EFCAB7: variants seen among roughly 807,000 people sequenced by gnomAD.
EFCAB7 encodes EF-hand calcium binding domain 7.
In EFCAB7, 66 loss-of-function variants were observed where a neutral mutation model predicts 77.1. The ratio of observed to expected loss-of-function variants is 0.86; its 90% CI spans 0.70 to 1.05. The LOEUF is 1.05. Among genes scored for constraint, EFCAB7 ranks in the 50% least tolerant of loss-of-function variants. The pLI is 0.00. For synonymous variants in EFCAB7, 225 were observed against 243.3 expected (o/e 0.92, Z 0.70); for missense variants, 638 against 730.5 (o/e 0.87, Z 1.46).
Position 63,532,745 on chromosome 1 carries a change from G to A in EFCAB7, c.475G>A (p.Asp159Asn). Residue 159 changes from aspartate (D) to asparagine (N), a missense_variant, in exon 4 of 14, where the codon GAC becomes AAC. Transcript: ENST00000371088. The stretch of plus-strand genomic sequence containing the variant: ...TGATGTAAATGCTGATGGCAAATTT[G>A]ACTACATCAAGGTACATAAGCTCAC... Reference protein sequence around the residue: ...LADVNADGKFDYIKFCKLYMT... With the variant: ...LADVNADGKFNYIKFCKLYMT... 1.9e-6 allele frequency: 3 copies of A among 1,604,916 alleles called. No homozygotes were observed. Among genetic ancestry groups the A allele is most frequent in the Non-Finnish European group, 1.7e-6 (2 of 1,176,388 alleles).
chr1:63,558,549 C>T (rs2100914462), intron 10 of EFCAB7, among the ~76,000 whole-genome samples: 1 of 152,186 alleles, frequency 6.6e-6, no homozygotes, highest in South Asian at 2.1e-4. Flanking sequence ...AAAAAGTCTC[C>T]AAGAGTTATT....
intron 6 of EFCAB7, among the ~76,000 whole-genome samples, chr1:63,543,474 T>A (rs1646853706): frequency 6.6e-6 from 1 of 152,130 alleles, no homozygotes; most frequent in South Asian, 2.1e-4. Context: ...ATGTAAAAAA[T>A]AGGTTTCTAC....
At chr1:63,556,224 T>A (rs1647028896) in intron 9 of EFCAB7, among the ~76,000 whole-genome samples, 1 of 152,126 alleles carries the variant, frequency 6.6e-6, no homozygotes, top group African/African-American at 2.4e-5. Context: ...ATTGTATCCT[T>A]GAAAATTGCT....
At chr1:63,524,706 A>G (rs1308123131) in intron 1 of EFCAB7, among the ~76,000 whole-genome samples, 1 of 152,184 alleles carries the variant, frequency 6.6e-6, no homozygotes, top group Non-Finnish European at 1.5e-5. Flanking sequence ...TACTATATCC[A>G]CATTAACAAA....
rs1053941416 is a variant in EFCAB7, at chr1:63,533,357, A to G, written c.487-97A>G. 28 of 828,958 alleles carry G rather than the reference A, an allele frequency of 3.4e-5. No individual in the cohort carries two copies. In the East Asian group the frequency reaches 7.0e-4, roughly 21 times the overall value. The allele number at this position is 828,958 out of a possible 1,614,324, so 51.4% of individuals were successfully genotyped here. A position where few individuals can be genotyped will look rare whatever the true frequency, so the allele number is the denominator to read the frequency against. On this transcript the variant is annotated intron_variant, in intron 4 of 13. Transcript: ENST00000371088. ...CATCAATAGGAAATATATTCCATCTATCAGTCTGTTCCTTGCCTACTAATG... is the reference window on the plus strand; with the variant it reads ...CATCAATAGGAAATATATTCCATCTGTCAGTCTGTTCCTTGCCTACTAATG...
At chr1:63,532,557 G>C (rs921825305) in intron 3 of EFCAB7, 113 bp from the exon 4 acceptor site, 1 of 663,220 alleles carries the variant, frequency 1.5e-6, no homozygotes, top group Non-Finnish European at 2.5e-6. Flanking sequence ...TTATAATGAA[G>C]CAATACATTC....
At chr1:63,582,088 T>C in the EFCAB7 span, among the ~76,000 whole-genome samples, 27,389 of 152,234 alleles carry the variant, frequency 0.18, 2,579 homozygotes, top group Middle Eastern at 0.26. Flanking sequence ...CTGAAAACAC[T>C]GCATGCTGTG....
chr1:63,578,505 A>C, the EFCAB7 span, among the ~76,000 whole-genome samples: 1 of 150,164 alleles, frequency 6.7e-6, no homozygotes, highest in Non-Finnish European at 1.5e-5. Context: ...GCAGTGGCGC[A>C]ATCTCAGCTC....
intron 2 of EFCAB7, chr1:63,527,963 C>G (rs1003187897): frequency 6.6e-6 from 1 of 152,172 alleles, no homozygotes; most frequent in Non-Finnish European, 1.5e-5. Context: ...AAAGGGAACC[C>G]TCTTACACTG....
chr1:63,554,636 A>G (rs1379069828), intron 8 of EFCAB7, among the ~76,000 whole-genome samples: 1 of 152,226 alleles, frequency 6.6e-6, no homozygotes, highest in East Asian at 1.9e-4. Flanking sequence ...CGCCATGCCC[A>G]GCCTGCTTTC....
chr1:63,543,971 CTTTT>C (rs35018430), intron 6 of EFCAB7, among the ~76,000 whole-genome samples: 2 of 131,134 alleles, frequency 1.5e-5, no homozygotes, highest in African/African-American at 2.8e-5. Flanking sequence ...TTTCTTTTTT[CTTTT>C]TTTTTTTTTT....
At chr1:63,554,710 C>T (rs1647007595) in intron 8 of EFCAB7, among the ~76,000 whole-genome samples, 1 of 152,096 alleles carries the variant, frequency 6.6e-6, no homozygotes, top group African/African-American at 2.4e-5. Flanking sequence ...GATAAATATC[C>T]AACATTTGAT....
chr1:63,529,207 A>G (rs538775700), intron 2 of EFCAB7: 1 of 152,322 alleles, frequency 6.6e-6, no homozygotes, highest in South Asian at 2.1e-4. Flanking sequence ...AAAAACATTT[A>G]TATTATCTCC....
chr1:63,568,117 C>T (rs900303322), intron 11 of EFCAB7, among the ~76,000 whole-genome samples, 193 bp from the exon 12 acceptor site: 1 of 152,048 alleles, frequency 6.6e-6, no homozygotes, highest in Non-Finnish European at 1.5e-5. Flanking sequence ...TGAACATTAT[C>T]AGTTAATATG....
chr1:63,539,037 C>T (rs1351694789), intron 6 of EFCAB7, among the ~76,000 whole-genome samples: 2 of 152,090 alleles, frequency 1.3e-5, no homozygotes, highest in Admixed American at 1.3e-4. Flanking sequence ...AAATTCTCTT[C>T]TATTATAGCA....
rs528412687 is a variant in EFCAB7 at position 63,531,761 on chromosome 1, G to C, written c.188-59G>C. The C allele has an allele frequency of 2.7e-5, 39 of 1,422,274 alleles. No homozygotes were observed. In the South Asian group the frequency reaches 4.5e-4, roughly 16 times the overall value. 88.1% of individuals were successfully genotyped at this position (1,422,274 alleles called of 1,614,324 possible). A position where few individuals can be genotyped will look rare whatever the true frequency, so the allele number is the denominator to read the frequency against. ...TACATAATGATTTGAAGAAAAAAAT[G>C]CGCTTAAGTACAAATTCCAGGTGTT... On this transcript the variant is annotated intron_variant, in intron 2 of 13. Transcript: ENST00000371088.
intron 11 of EFCAB7, among the ~76,000 whole-genome samples, chr1:63,565,689 T>G (rs1459235760): frequency 1.1e-5 from 1 of 92,868 alleles, no homozygotes; most frequent in African/African-American, 7.2e-5. Context: ...AGAAAAAAAT[T>G]CCATTAAAAA....
rs777356823 is a variant in EFCAB7, at chr1:63,568,324, C to T, written c.1512C>T (p.Val504=). ...TTTCCTATCAGGCATGTCCATTTGTCATTGATATCTATGCAGAAAAATGCA... is the reference window on the plus strand; with the variant it reads ...TTTCCTATCAGGCATGTCCATTTGTTATTGATATCTATGCAGAAAAATGCA... The part of the protein sequence containing the change: ...ALELTEACPF[V]IDIYAEKCKP... The change falls in exon 12 of 14, where the codon GTC becomes GTT. Residue 504 remains valine, a synonymous_variant. Coordinates refer to ENST00000371088, the MANE Select transcript of EFCAB7 (RefSeq NM_032437.4). 6.2e-7 allele frequency: 1 copy of T among 1,601,330 alleles called. No homozygotes were observed. The highest frequency in any genetic ancestry group is 1.4e-5 in the African/African-American group (1 of 73,936).
At chr1:63,554,200 A>C (rs1353624888) in intron 8 of EFCAB7, among the ~76,000 whole-genome samples, 2 of 152,162 alleles carry the variant, frequency 1.3e-5, no homozygotes, top group African/African-American at 4.8e-5. Context: ...GCTGAAGGGC[A>C]CTTAGCTATT....
Sources: gnomAD v4.1 joint callset for allele counts (sites outside exome capture counted in the v4.1 genomes callset) on GRCh38, gnomAD v4.1.1 for gene constraint, MANE v1.5 for transcripts, NCBI Gene and HGNC (gene_info 2026-07-23, HGNC 2026-07-21) for gene names.